PPP1R12B: variants seen among roughly 807,000 people sequenced by gnomAD.
PPP1R12B encodes myosin phosphatase target subunit 2.
A neutral mutation model predicts 126.1 loss-of-function variants in PPP1R12B; 76 were observed. That is an observed-to-expected ratio of 0.60 (90% CI 0.50 to 0.73). PPP1R12B has a LOEUF of 0.73. Ranked by LOEUF, PPP1R12B falls within the 30% of genes least tolerant of loss-of-function variation. PPP1R12B has a pLI of 0.00. For synonymous variants in PPP1R12B, 356 were observed against 434.7 expected (o/e 0.82, Z 2.25); for missense variants, 1,052 against 1,205.1 (o/e 0.87, Z 1.88).
rs371920254 is a variant in PPP1R12B, at chr1:202,383,404, G to A, written c.292-33383G>A. 6.0e-4 allele frequency among the ~76,000 whole-genome samples: 91 copies of A among 152,106 alleles called. No individual in the cohort carries two copies. The South Asian group carries it at 0.011, about 18-fold the overall frequency. ...ATCTATAAATGACATCATATTCTAT[G>A]TATCCTTTTGCTATGTGCTTTTTAA... On this transcript the variant is annotated intron_variant, in intron 1 of 23. Transcript: ENST00000608999.
intron 14 of PPP1R12B, among the ~76,000 whole-genome samples, chr1:202,491,329 A>G (rs1394605542): frequency 6.6e-6 from 1 of 152,042 alleles, no homozygotes; most frequent in Non-Finnish European, 1.5e-5. Context: ...TTGTATTTTT[A>G]GTAGAGACAG....
intron 13 of PPP1R12B, among the ~76,000 whole-genome samples, chr1:202,472,865 G>A (rs1022228412): frequency 2.0e-5 from 3 of 152,206 alleles, no homozygotes; most frequent in Admixed American, 1.3e-4. Context: ...GTGTAGCACA[G>A]CAAGCAGTAG....
chr1:202,438,043 TG>T lies in PPP1R12B; in HGVS notation c.1458+24del, dbSNP rs750260345. 7.4e-6 allele frequency: 12 copies of T among 1,612,414 alleles called. No individual in the cohort carries two copies. The highest frequency in any genetic ancestry group is 1.3e-5 in the African/African-American group (1 of 74,828). The stretch of plus-strand genomic sequence containing the variant: ...AGATAAGGTGCAGTTTGGGAGGGTA[TG>T]GGGGAATTCCAAGGCAGTTTTTTTT... On this transcript the variant is annotated intron_variant, in intron 10 of 23. Transcript: ENST00000608999.
At chr1:202,440,421 C>A (rs1228978368) in intron 10 of PPP1R12B, among the ~76,000 whole-genome samples, 1 of 152,198 alleles carries the variant, frequency 6.6e-6, no homozygotes, top group Non-Finnish European at 1.5e-5. Context: ...TTCCTCCTCT[C>A]TTGACAGAGG....
intron 1 of PPP1R12B, among the ~76,000 whole-genome samples, chr1:202,385,255 T>A (rs1662938333): frequency 6.6e-6 from 1 of 152,224 alleles, no homozygotes; most frequent in East Asian, 1.9e-4. Flanking sequence ...CTTAGACTGT[T>A]CAGTTTGCAT....
At chr1:202,574,922 G>A in intron 23 of PPP1R12B, 1 of 1,316,492 alleles carries the variant, frequency 7.6e-7, no homozygotes, top group Non-Finnish European at 1.0e-6. Flanking sequence ...TGATTTCTTT[G>A]TCCTACTTTT....
intron 1 of PPP1R12B, among the ~76,000 whole-genome samples, chr1:202,368,319 T>A (rs1247169438): frequency 6.6e-6 from 1 of 152,076 alleles, no homozygotes; most frequent in Admixed American, 6.5e-5. Context: ...GCAACCTTGC[T>A]CCCATTCTCG....
At chr1:202,386,760 G>C (rs1272015499) in intron 1 of PPP1R12B, among the ~76,000 whole-genome samples, 2 of 150,766 alleles carry the variant, frequency 1.3e-5, no homozygotes, top group African/African-American at 2.4e-5. Context: ...TTTCTCCCGT[G>C]GGTAGTATAT....
At chr1:202,577,324 T>C (rs1294315813) in intron 23 of PPP1R12B, 1 of 152,236 alleles carries the variant, frequency 6.6e-6, no homozygotes, top group Non-Finnish European at 1.5e-5. Context: ...TAAATTTCAA[T>C]GTCCAAAATA....
At chr1:202,465,726 A>T (rs1215624238) in intron 13 of PPP1R12B, among the ~76,000 whole-genome samples, 1 of 152,170 alleles carries the variant, frequency 6.6e-6, no homozygotes, top group East Asian at 1.9e-4. Flanking sequence ...TCTTCCTCAG[A>T]GTCTCTTAAA....
chr1:202,404,595 C>T (rs1666322724), intron 1 of PPP1R12B, among the ~76,000 whole-genome samples: 1 of 152,072 alleles, frequency 6.6e-6, no homozygotes, highest in South Asian at 2.1e-4. Context: ...CACCTTCCAG[C>T]TTCAAGCGGT....
At chr1:202,377,878 T>C (rs750972332) in intron 1 of PPP1R12B, among the ~76,000 whole-genome samples, 14 of 141,510 alleles carry the variant, frequency 9.9e-5, no homozygotes, top group African/African-American at 1.6e-4. Context: ...GTCTCGCTGT[T>C]GCCCAGGCTG....
intron 18 of PPP1R12B, among the ~76,000 whole-genome samples, chr1:202,509,387 C>G (rs1301055405): frequency 6.6e-6 from 1 of 152,140 alleles, no homozygotes; most frequent in Non-Finnish European, 1.5e-5. Context: ...AATATAGTCT[C>G]TCTGTTATGT....
chr1:202,488,680 A>G, intron 14 of PPP1R12B, 57 bp downstream of exon 14: 1 of 1,371,944 alleles, frequency 7.3e-7, no homozygotes, highest in Non-Finnish European at 1.0e-6. Flanking sequence ...TGTTGGAGGT[A>G]CAATCAAAAC....
At chr1:202,418,612 C>G (rs1472203690) in intron 2 of PPP1R12B, among the ~76,000 whole-genome samples, 1 of 152,048 alleles carries the variant, frequency 6.6e-6, no homozygotes, top group Non-Finnish European at 1.5e-5. Flanking sequence ...GCTACTGTTT[C>G]CTAAGACAGA....
intron 18 of PPP1R12B, among the ~76,000 whole-genome samples, chr1:202,550,958 A>G (rs1686247658): frequency 6.6e-6 from 1 of 152,266 alleles, no homozygotes; most frequent in Admixed American, 6.5e-5. Context: ...AGCTGGGAAT[A>G]TTCACAAAAG....
intron 23 of PPP1R12B, among the ~76,000 whole-genome samples, chr1:202,579,961 T>C (rs1308492624): frequency 6.6e-6 from 1 of 152,222 alleles, no homozygotes; most frequent in African/African-American, 2.4e-5. Flanking sequence ...AATCATCTTG[T>C]GCATATGGCA....
At chr1:202,378,432 G>C (rs368390902) in intron 1 of PPP1R12B, among the ~76,000 whole-genome samples, 1 of 151,796 alleles carries the variant, frequency 6.6e-6, no homozygotes, top group Non-Finnish European at 1.5e-5. Flanking sequence ...CTTTCTCAAA[G>C]GTCATCGCAG....
intron 13 of PPP1R12B, among the ~76,000 whole-genome samples, chr1:202,485,114 T>G (rs1213849021): frequency 3.3e-5 from 5 of 152,150 alleles, no homozygotes; most frequent in Non-Finnish European, 5.9e-5. Context: ...TATGTACCGG[T>G]GAGGGGACTG....
Sources: gnomAD v4.1 joint callset for allele counts (sites outside exome capture counted in the v4.1 genomes callset) on GRCh38, gnomAD v4.1.1 for gene constraint, MANE v1.5 for transcripts, NCBI Gene and HGNC (gene_info 2026-07-23, HGNC 2026-07-21) for gene names.